RALB: variants seen among roughly 807,000 people sequenced by gnomAD.
The protein encoded by RALB is ras-related protein Ral-B.
In RALB, 16 loss-of-function variants were observed where a neutral mutation model predicts 21.3. The ratio of observed to expected loss-of-function variants is 0.75; its 90% CI spans 0.51 to 1.14. RALB has a LOEUF of 1.14. Among genes scored for constraint, RALB ranks in the 50% most tolerant of loss-of-function variants. RALB has a pLI of 0.00. For missense variants in RALB, 161 were observed against 256.2 expected (o/e 0.63, Z 2.54); for synonymous variants, 93 against 96.1 (o/e 0.97, Z 0.19).
rs576862122 is a variant in RALB at position 120,270,588 on chromosome 2, C to G, written c.-47-8030C>G. Among the ~76,000 whole-genome samples the G allele has an allele frequency of 2.7e-3, 393 of 143,838 alleles. 2 individuals carry two copies. The highest frequency in any genetic ancestry group is 4.6e-3 in the Non-Finnish European group (304 of 66,206). 94.4% of individuals were successfully genotyped at this position (143,838 alleles called of 152,430 possible). ...TTTGTAAGGCCGGAACAGGGAGACA[C>G]AACAATGGAAAATAACTGGTTAAAA... On this transcript the variant is annotated intron_variant, in intron 1 of 4. Transcript: ENST00000272519.
Position 120,270,933 on chromosome 2 carries a change from G to A in RALB, c.-47-7685G>A, listed in dbSNP as rs564460198. Among the ~76,000 whole-genome samples, 10 of 152,312 alleles carry A rather than the reference G, an allele frequency of 6.6e-5. No individual in the cohort carries two copies. The East Asian group carries it at 1.9e-3, about 29-fold the overall frequency. On this transcript the variant is annotated intron_variant, in intron 1 of 4. Transcript: ENST00000272519. ...TGACCTTCAGTTCATACTGTCTGGA[G>A]GAGTGCTGAATGCAGTTATTGGCAG...
rs1038561128 is a variant in RALB at position 120,294,515 on chromosome 2, A to AT, written c.*1261dup. On this transcript the variant is annotated 3_prime_UTR_variant, in exon 5 of 5. Coordinates refer to ENST00000272519, the MANE Select transcript of RALB (RefSeq NM_002881.3). ...ACTGTGGGAAGAGCCCAGTATTCAC[A>AT]TTTTTTCCCCATTTTTCAGAAGCGA... 5 of 360,390 alleles carry AT rather than the reference A, an allele frequency of 1.4e-5. No individual in the cohort carries two copies. Among genetic ancestry groups the AT allele is most frequent in the South Asian group, 1.5e-4 (1 of 6,684 alleles). The allele number at this position is 360,390 out of a possible 1,614,324, so 22.3% of individuals were successfully genotyped here. A position where few individuals can be genotyped will look rare whatever the true frequency, so the allele number is the denominator to read the frequency against.
chr2:120,260,947 A>G (rs977830561), intron 1 of RALB, among the ~76,000 whole-genome samples: 1 of 152,216 alleles, frequency 6.6e-6, no homozygotes, highest in Non-Finnish European at 1.5e-5. Context: ...GAAGGAAACA[A>G]AGGCTTTTGC....
intron 1 of RALB, among the ~76,000 whole-genome samples, chr2:120,245,050 C>T (rs956699747): frequency 4.6e-5 from 7 of 152,196 alleles, no homozygotes; most frequent in Admixed American, 2.0e-4. Flanking sequence ...GAGGGAGAGC[C>T]GTGGGACCTT....
chr2:120,253,166 G>A, intron 1 of RALB, 186 bp downstream of exon 1: 1 of 361,018 alleles, frequency 2.8e-6, no homozygotes. Context: ...GCTCCGGGAG[G>A]ACTCCCTGGG....
chr2:120,256,699 A>G (rs747127463), intron 1 of RALB, among the ~76,000 whole-genome samples: 1 of 152,118 alleles, frequency 6.6e-6, no homozygotes, highest in Non-Finnish European at 1.5e-5. Flanking sequence ...CCAGTCTCGG[A>G]TATTTCTTCA....
chr2:120,247,013 A>G (rs912563100), intron 1 of RALB, among the ~76,000 whole-genome samples: 2 of 152,130 alleles, frequency 1.3e-5, no homozygotes, highest in Middle Eastern at 3.2e-3. Flanking sequence ...AGACACTTGA[A>G]TCTCATTTTA....
At chr2:120,253,798 G>C (rs372353180) in intron 1 of RALB, 2 of 791,974 alleles carry the variant, frequency 2.5e-6, no homozygotes, top group Non-Finnish European at 1.5e-6. Context: ...AAGAGACTTG[G>C]CTGATTGCTC....
At chr2:120,257,107 T>TG (rs5833820) in intron 1 of RALB, among the ~76,000 whole-genome samples, 105,579 of 152,040 alleles carry the variant, frequency 0.69, 37,252 homozygotes, top group Middle Eastern at 0.8. Context: ...AAGGAACATC[T>TG]GAATTTTTTT....
intron 1 of RALB, among the ~76,000 whole-genome samples, chr2:120,266,731 A>G (rs528322892): frequency 6.6e-6 from 1 of 152,268 alleles, no homozygotes; most frequent in Admixed American, 6.5e-5. Context: ...ATAAATAAAT[A>G]AAAAGCTTAC....
chr2:120,268,893 ACT>A (rs1449512317), intron 1 of RALB, among the ~76,000 whole-genome samples: 1 of 152,032 alleles, frequency 6.6e-6, no homozygotes, highest in African/African-American at 2.4e-5. Flanking sequence ...GCCAGTATTA[ACT>A]CTGTATCCTA....
chr2:120,285,244 T>C (rs972575679), intron 2 of RALB, among the ~76,000 whole-genome samples: 13 of 152,080 alleles, frequency 8.5e-5, no homozygotes, highest in Admixed American at 2.6e-4. Context: ...ACGAACTCAC[T>C]ATCACAAGAA....
At chr2:120,268,981 T>A (rs1689577527) in intron 1 of RALB, among the ~76,000 whole-genome samples, 1 of 152,236 alleles carries the variant, frequency 6.6e-6, no homozygotes, top group Admixed American at 6.5e-5. Flanking sequence ...TTCTGCACGT[T>A]TCTGATAGAA....
chr2:120,271,134 C>T (rs1558951248), intron 1 of RALB, among the ~76,000 whole-genome samples: 2 of 152,214 alleles, frequency 1.3e-5, no homozygotes, highest in Non-Finnish European at 2.9e-5. Flanking sequence ...CTTACCAACG[C>T]ATTTCCTCTT....
rs1313458999 is a variant in RALB at position 120,269,833 on chromosome 2, A to G, written c.-47-8785A>G. Among the ~76,000 whole-genome samples, 8 of 152,386 alleles carry G rather than the reference A, an allele frequency of 5.2e-5. No individual in the cohort carries two copies. The East Asian group carries it at 1.5e-3, about 29-fold the overall frequency. On this transcript the variant is annotated intron_variant, in intron 1 of 4. Coordinates refer to ENST00000272519, the MANE Select transcript of RALB (RefSeq NM_002881.3). ...TAATTATATCCTTATACTTTTGTAG[A>G]ATAAATTCCTGGAAGAGGTTTACAT...
chr2:120,276,432 A>C (rs535277774), intron 1 of RALB, among the ~76,000 whole-genome samples: 1 of 151,974 alleles, frequency 6.6e-6, no homozygotes, highest in Non-Finnish European at 1.5e-5. Flanking sequence ...GTGAAACCCC[A>C]TCTCTACTAA....
intron 1 of RALB, among the ~76,000 whole-genome samples, chr2:120,254,536 G>T (rs1689148491): frequency 6.6e-6 from 1 of 152,190 alleles, no homozygotes; most frequent in Non-Finnish European, 1.5e-5. Context: ...AGACCATAAG[G>T]ATAAACAGGA....
intron 4 of RALB, among the ~76,000 whole-genome samples, chr2:120,292,468 AG>A (rs1191541405): frequency 1.3e-5 from 2 of 152,198 alleles, no homozygotes; most frequent in African/African-American, 4.8e-5. Context: ...AATCAGATGC[AG>A]GGGTGTCAAG....
intron 2 of RALB, among the ~76,000 whole-genome samples, chr2:120,282,820 C>T (rs181799217): frequency 7.5e-4 from 114 of 152,146 alleles, no homozygotes; most frequent in Middle Eastern, 3.4e-3. Flanking sequence ...TTTTCTAAAA[C>T]GGTGCTAATA....
Sources: gnomAD v4.1 joint callset for allele counts (sites outside exome capture counted in the v4.1 genomes callset) on GRCh38, gnomAD v4.1.1 for gene constraint, MANE v1.5 for transcripts, NCBI Gene and HGNC (gene_info 2026-07-23, HGNC 2026-07-21) for gene names.